The following GADL1 variants were observed in gnomAD, a reference collection of about 807,000 sequenced individuals.
GADL1 encodes acidic amino acid decarboxylase GADL1.
In GADL1, 71 loss-of-function variants were observed where a neutral mutation model predicts 69.5. The ratio of observed to expected loss-of-function variants is 1.02; its 90% CI spans 0.84 to 1.25. The LOEUF is 1.25. Ranked by LOEUF, GADL1 falls within the 50% of genes most tolerant of loss-of-function variation. The pLI is 0.00. For missense variants in GADL1, 737 were observed against 631.8 expected (o/e 1.17, Z -1.79); for synonymous variants, 254 against 214.4 (o/e 1.18, Z -1.62).
chr3:30,732,805 C>T (rs1695478689), intron 14 of GADL1, among the ~76,000 whole-genome samples: 1 of 152,164 alleles, frequency 6.6e-6, no homozygotes, highest in Non-Finnish European at 1.5e-5. Flanking sequence ...CGCCTGTAAT[C>T]TCAGTACTTT....
chr3:30,829,252 G>T (rs941718054), intron 11 of GADL1, among the ~76,000 whole-genome samples: 1 of 151,576 alleles, frequency 6.6e-6, no homozygotes, highest in Admixed American at 6.6e-5. Flanking sequence ...GATTCAAAGA[G>T]GATTAGTGAT....
chr3:30,791,765 C>A (rs768762396), intron 12 of GADL1, among the ~76,000 whole-genome samples: 1 of 152,068 alleles, frequency 6.6e-6, no homozygotes, highest in Non-Finnish European at 1.5e-5. Flanking sequence ...CCCATAATCC[C>A]CATGGGTCAT....
intron 4 of GADL1, among the ~76,000 whole-genome samples, chr3:30,851,742 G>T (rs917570495): frequency 6.6e-6 from 1 of 152,218 alleles, no homozygotes; most frequent in African/African-American, 2.4e-5. Flanking sequence ...CCGAGCGTCA[G>T]CCAAGATTGT....
chr3:30,876,501 C>T (rs923123401), intron 1 of GADL1, among the ~76,000 whole-genome samples: 3 of 151,982 alleles, frequency 2.0e-5, no homozygotes, highest in African/African-American at 4.8e-5. Context: ...TTGTAATGAA[C>T]AAGTATGAGG....
At chr3:30,768,041 C>G (rs914539203) in intron 14 of GADL1, among the ~76,000 whole-genome samples, 2 of 150,946 alleles carry the variant, frequency 1.3e-5, no homozygotes, top group African/African-American at 4.9e-5. Flanking sequence ...CCATACCCCC[C>G]CCCCCCTTAT....
chr3:30,856,875 A>G (rs976612056), intron 3 of GADL1, 140 bp downstream of exon 3: 9 of 655,046 alleles, frequency 1.4e-5, no homozygotes, highest in Middle Eastern at 4.3e-4. Flanking sequence ...TAAAGGGACC[A>G]TTGCAAAAAC....
At chr3:30,756,351 T>A (rs998226131) in intron 14 of GADL1, among the ~76,000 whole-genome samples, 1 of 152,080 alleles carries the variant, frequency 6.6e-6, no homozygotes, top group African/African-American at 2.4e-5. Context: ...CAAGTGAGAT[T>A]GTGGATGTGT....
At position 30,727,275 on chromosome 3, in the gene GADL1, GA is replaced by G. The variant is rs1207847784; in HGVS notation, c.*966del. On this transcript the variant is annotated 3_prime_UTR_variant, in exon 15 of 15. Transcript: ENST00000282538. ...AGAAAACCTTCCAGTTGTCTACCAA[GA>G]AAAAACTAATATGGATATTACATGC... 3 of 150,640 alleles carry G rather than the reference GA, an allele frequency of 2.0e-5. No individual in the cohort carries two copies. The highest frequency in any genetic ancestry group is 4.9e-5 in the African/African-American group (2 of 41,156). The allele number at this position is 150,640 out of a possible 1,614,324, so 9.3% of individuals were successfully genotyped here. A position where few individuals can be genotyped will look rare whatever the true frequency, so the allele number is the denominator to read the frequency against.
rs967368779 is a variant in GADL1, at chr3:30,728,076, G to C, written c.*166C>G. 2 of 564,630 alleles carry C rather than the reference G, an allele frequency of 3.5e-6. No individual in the cohort carries two copies. Among genetic ancestry groups the C allele is most frequent in the Non-Finnish European group, 6.3e-6 (2 of 317,252 alleles). The allele number at this position is 564,630 out of a possible 1,614,324, so 35.0% of individuals were successfully genotyped here. The stretch of plus-strand genomic sequence containing the variant: ...CAACAGTAATGCCCAGGCAGCTAGA[G>C]AGTCCTTAATATTCATTGCTTAGCA... On this transcript the variant is annotated 3_prime_UTR_variant, in exon 15 of 15. Coordinates refer to ENST00000282538, the MANE Select transcript of GADL1 (RefSeq NM_207359.3).
intron 12 of GADL1, among the ~76,000 whole-genome samples, chr3:30,788,255 C>T (rs556628013): frequency 6.6e-6 from 1 of 152,192 alleles, no homozygotes; most frequent in Non-Finnish European, 1.5e-5. Flanking sequence ...AGGCATCCCT[C>T]GGGGGTATTG....
intron 14 of GADL1, among the ~76,000 whole-genome samples, chr3:30,738,922 T>C (rs1695576820): frequency 1.3e-5 from 2 of 152,320 alleles, no homozygotes; most frequent in South Asian, 4.1e-4. Context: ...GAGAATTCTA[T>C]TACTTTTCAA....
intron 1 of GADL1, among the ~76,000 whole-genome samples, chr3:30,862,299 A>AGGAGT (rs1698332313): frequency 2.0e-5 from 3 of 152,132 alleles, no homozygotes; most frequent in Admixed American, 2.0e-4. Context: ...ATGGAGGAAC[A>AGGAGT]GGAGTTAGGC....
intron 1 of GADL1, among the ~76,000 whole-genome samples, chr3:30,883,541 TC>T (rs1384616406): frequency 1.3e-5 from 2 of 152,032 alleles, no homozygotes; most frequent in African/African-American, 4.8e-5. Context: ...CAGTCTTGAC[TC>T]CTGTAGCTTT....
intron 1 of GADL1, among the ~76,000 whole-genome samples, chr3:30,893,044 T>C (rs1426813580): frequency 1.3e-5 from 2 of 152,084 alleles, no homozygotes; most frequent in Admixed American, 6.5e-5. Context: ...TTAGTAGAGA[T>C]GGGGTTTCAC....
At chr3:30,781,011 C>T (rs564328050) in intron 13 of GADL1, among the ~76,000 whole-genome samples, 1 of 152,060 alleles carries the variant, frequency 6.6e-6, no homozygotes, top group Non-Finnish European at 1.5e-5. Flanking sequence ...TTTGTATACC[C>T]CTTAATTTTA....
At chr3:30,851,030 C>A in intron 4 of GADL1, 89 bp from the exon 5 acceptor site, 1 of 738,296 alleles carries the variant, frequency 1.4e-6, no homozygotes, top group South Asian at 2.0e-5. Context: ...TTCTATTAAA[C>A]CAAGTGGCTG....
At chr3:30,741,370 T>C (rs2125473241) in intron 14 of GADL1, among the ~76,000 whole-genome samples, 1 of 151,902 alleles carries the variant, frequency 6.6e-6, no homozygotes, top group Non-Finnish European at 1.5e-5. Flanking sequence ...CACTCCTACA[T>C]CCCCACATTT....
rs146701503 is a variant in GADL1 at position 30,737,639 on chromosome 3, A to C, written c.1393-9224T>G. On this transcript the variant is annotated intron_variant, in intron 14 of 14. Transcript: ENST00000282538. The stretch of plus-strand genomic sequence containing the variant: ...GCATTAGTATGAGTCTCTCAAGTTT[A>C]AATTATGTAAAATTGGTGGTCTATA... 1.3e-4 allele frequency among the ~76,000 whole-genome samples: 20 copies of C among 152,296 alleles called. No homozygotes were observed. In the East Asian group the frequency reaches 3.9e-3, roughly 29 times the overall value.
At chr3:30,745,139 G>C (rs1398103421) in intron 14 of GADL1, among the ~76,000 whole-genome samples, 6 of 152,222 alleles carry the variant, frequency 3.9e-5, no homozygotes, top group Non-Finnish European at 5.9e-5. Flanking sequence ...GAGTGAGCAA[G>C]TGCTTAATGA....
Sources: allele counts gnomAD v4.1 joint callset (sites outside exome capture counted in the v4.1 genomes callset), GRCh38; gene constraint gnomAD v4.1.1; transcripts MANE v1.5; gene names NCBI Gene and HGNC (gene_info 2026-07-23, HGNC 2026-07-21).